ADARB2: variants seen among roughly 807,000 people sequenced by gnomAD.
ADARB2 encodes inactive double-stranded RNA-specific editase B2.
In ADARB2, 25 loss-of-function variants were observed where a neutral mutation model predicts 62.2. The observed-to-expected ratio is 0.40, with a 90% CI of 0.29 to 0.56. The LOEUF (loss-of-function observed/expected upper bound fraction) is 0.56, where lower values mean the gene tolerates loss of function less well. Ranked by LOEUF, ADARB2 falls within the 20% of genes least tolerant of loss-of-function variation. ADARB2 has a pLI of 0.43. For synonymous variants in ADARB2, 572 were observed against 500.8 expected, an observed-to-expected ratio of 1.14 and a Z score of -1.90; for missense variants, 1,071 against 1,077.4, an observed-to-expected ratio of 0.99 and a Z score of 0.08.
At chr10:1,572,380 C>G (rs917784987) in intron 1 of ADARB2, among the ~76,000 whole-genome samples, 2 of 152,156 alleles carry the variant, frequency 1.3e-5, no homozygotes, top group Admixed American at 1.3e-4. Flanking sequence ...CATCAGGCAG[C>G]TATGCTGTGA....
intron 1 of ADARB2, among the ~76,000 whole-genome samples, chr10:1,565,056 C>A (rs984210582): frequency 6.6e-6 from 1 of 152,186 alleles, no homozygotes; most frequent in Admixed American, 6.5e-5. Context: ...CAGGGCTCTC[C>A]GCTCTCCTCG....
intron 1 of ADARB2, among the ~76,000 whole-genome samples, chr10:1,693,349 G>A (rs4880534): frequency 0.52 from 78,613 of 152,028 alleles, 21,006 homozygotes; most frequent in Admixed American, 0.61. Flanking sequence ...GTTGTGTGAT[G>A]GTCAATGTGG....
chr10:1,447,763 T>A (rs10903449), intron 1 of ADARB2, among the ~76,000 whole-genome samples: 127,513 of 152,066 alleles, frequency 0.84, 54,957 homozygotes, highest in Non-Finnish European at 0.93. Context: ...TGGTGTCTAT[T>A]GTTTCCTTTT....
intron 3 of ADARB2, among the ~76,000 whole-genome samples, chr10:1,306,015 A>C (rs1022023229): frequency 1.3e-4 from 20 of 152,126 alleles, no homozygotes; most frequent in South Asian, 2.1e-4. Context: ...GGGATGCCCT[A>C]TCTCACCACT....
In ADARB2 at chr10:1,529,591, G is replaced by A. The variant is rs138614847; in HGVS notation, c.101-150431C>T. Reference sequence around the variant, plus strand: ...CCCCTTCCATAGTTTTCCCCTCACCGACACCCTTATCACCAGATTCTAAAC... The same window carrying A: ...CCCCTTCCATAGTTTTCCCCTCACCAACACCCTTATCACCAGATTCTAAAC... On this transcript the variant is annotated intron_variant, in intron 1 of 9. Transcript: ENST00000381312. 7.2e-5 allele frequency among the ~76,000 whole-genome samples: 11 copies of A among 152,186 alleles called. No homozygotes were observed. The East Asian group carries it at 1.7e-3, about 24-fold the overall frequency.
chr10:1,262,289 T>TAATAATAAC (rs1554749745), intron 4 of ADARB2, among the ~76,000 whole-genome samples: 1 of 111,762 alleles, frequency 8.9e-6, no homozygotes, highest in African/African-American at 4.7e-5. Context: ...ACTTAAAGTA[T>TAATAATAAC]AATAATAATA....
At chr10:1,478,527 G>A (rs1402754851) in intron 1 of ADARB2, among the ~76,000 whole-genome samples, 2 of 152,202 alleles carry the variant, frequency 1.3e-5, no homozygotes. Flanking sequence ...ATGATGATGA[G>A]CACCGTCACT....
chr10:1,328,469 C>T (rs913074987), intron 3 of ADARB2, among the ~76,000 whole-genome samples: 6 of 152,174 alleles, frequency 3.9e-5, no homozygotes, highest in Non-Finnish European at 7.3e-5. Context: ...AAATCAACCA[C>T]GTAACGTTCA....
chr10:1,367,832 C>T (rs1243011973), intron 2 of ADARB2, among the ~76,000 whole-genome samples: 7 of 152,340 alleles, frequency 4.6e-5, no homozygotes, highest in South Asian at 2.1e-4. Context: ...AACGCTTTGC[C>T]GCTAGCTGCG....
At position 1,460,521 on chromosome 10, in the gene ADARB2, T is replaced by C. The variant is rs1402693183; in HGVS notation, c.101-81361A>G. Among the ~76,000 whole-genome samples the C allele has an allele frequency of 2.4e-5, 2 of 83,964 alleles. 1 individual carries two copies. The highest frequency in any genetic ancestry group is 4.7e-5 in the Non-Finnish European group (2 of 42,124). The allele number at this position is 83,964 out of a possible 152,430, so 55.1% of individuals were successfully genotyped here. A position where few individuals can be genotyped will look rare whatever the true frequency, so the allele number is the denominator to read the frequency against. ...TGCCTGTGACCTGAGTTTACCTGCG[T>C]AACGAACCTGCCTGTGACCTGAGTT... On this transcript the variant is annotated intron_variant, in intron 1 of 9. Coordinates refer to ENST00000381312, the MANE Select transcript of ADARB2 (RefSeq NM_018702.4).
At chr10:1,625,631 G>C (rs1390098578) in intron 1 of ADARB2, among the ~76,000 whole-genome samples, 1 of 152,194 alleles carries the variant, frequency 6.6e-6, no homozygotes, top group East Asian at 1.9e-4. Flanking sequence ...GGCATGGTGA[G>C]TGTCCAAGTG....
At chr10:1,502,547 A>G (rs1303752463) in intron 1 of ADARB2, among the ~76,000 whole-genome samples, 2 of 152,194 alleles carry the variant, frequency 1.3e-5, no homozygotes, top group African/African-American at 4.8e-5. Flanking sequence ...AATCTACTAA[A>G]TTTACTTGTG....
chr10:1,401,648 T>C (rs1356827265), intron 1 of ADARB2, among the ~76,000 whole-genome samples: 3 of 152,202 alleles, frequency 2.0e-5, no homozygotes, highest in Non-Finnish European at 4.4e-5. Context: ...GTATCCCGTG[T>C]CCCCATTTCT....
chr10:1,227,246 C>G (rs976744929), intron 6 of ADARB2, among the ~76,000 whole-genome samples: 1 of 152,214 alleles, frequency 6.6e-6, no homozygotes, highest in African/African-American at 2.4e-5. Flanking sequence ...ATTTTTTAAG[C>G]CTGTTGGAAA....
intron 1 of ADARB2, among the ~76,000 whole-genome samples, chr10:1,415,508 A>T (rs879827074): frequency 4.1e-5 from 3 of 72,774 alleles, no homozygotes; most frequent in Admixed American, 1.2e-4. Context: ...GATAAACACG[A>T]CACCTCTTCC....
At chr10:1,673,112 G>A (rs1834412802) in intron 1 of ADARB2, among the ~76,000 whole-genome samples, 1 of 152,078 alleles carries the variant, frequency 6.6e-6, no homozygotes. Context: ...GCCTCTCCCA[G>A]GGCCAGTAAT....
At chr10:1,286,194 C>T (rs1589178213) in intron 3 of ADARB2, among the ~76,000 whole-genome samples, 2 of 152,104 alleles carry the variant, frequency 1.3e-5, no homozygotes, top group South Asian at 2.1e-4. Flanking sequence ...ACCTCGAAGC[C>T]CCCTCTCAAA....
intron 4 of ADARB2, among the ~76,000 whole-genome samples, chr10:1,245,580 A>G (rs1255144537): frequency 2.0e-5 from 3 of 147,526 alleles, no homozygotes; most frequent in Admixed American, 7.1e-5. Flanking sequence ...GAGTGAGGAC[A>G]TGCGGTGTTT....
In ADARB2 at chr10:1,449,051, C is replaced by T. The variant is rs76869288; in HGVS notation, c.101-69891G>A. ...TTCTGGGTAATTGTGTCCTGCACAC[C>T]GGGATTCAAGAATGAATGGTTGCGG... On this transcript the variant is annotated intron_variant, in intron 1 of 9. Transcript: ENST00000381312. Among the ~76,000 whole-genome samples the T allele has an allele frequency of 1.2e-3, 187 of 152,270 alleles. 1 individual carries two copies. Among genetic ancestry groups the T allele is most frequent in the African/African-American group, 4.0e-3 (166 of 41,558 alleles).
Sources: gnomAD v4.1 joint callset for allele counts (sites outside exome capture counted in the v4.1 genomes callset) on GRCh38, gnomAD v4.1.1 for gene constraint, MANE v1.5 for transcripts, NCBI Gene and HGNC (gene_info 2026-07-23, HGNC 2026-07-21) for gene names.